NCOR2: variants seen among roughly 807,000 people sequenced by gnomAD.
The protein encoded by NCOR2 is nuclear receptor corepressor 2.
NCOR2 carries 81 observed loss-of-function variants against 262.9 expected under a neutral mutation model. That is an observed-to-expected ratio of 0.31 (90% CI 0.26 to 0.37). The LOEUF is 0.37. Among genes scored for constraint, NCOR2 ranks in the 10% least tolerant of loss-of-function variants. The pLI is 1.00. For synonymous variants in NCOR2, 1,659 were observed against 1,559.3 expected, an observed-to-expected ratio of 1.06 and a Z score of -1.51; for missense variants, 3,385 against 3,621.4, an observed-to-expected ratio of 0.93 and a Z score of 1.68.
intron 1 of NCOR2, among the ~76,000 whole-genome samples, chr12:124,524,505 G>A (rs567901638): frequency 6.6e-6 from 1 of 152,292 alleles, no homozygotes; most frequent in South Asian, 2.1e-4. Context: ...CTGGTGGCAT[G>A]AGCCTGTCTG....
At chr12:124,479,520 C>T (rs536209469) in intron 3 of NCOR2, among the ~76,000 whole-genome samples, 76 of 151,486 alleles carry the variant, frequency 5.0e-4, no homozygotes, top group African/African-American at 1.8e-3. Flanking sequence ...CGCACATGCG[C>T]GCACACGCAC....
intron 7 of NCOR2, among the ~76,000 whole-genome samples, chr12:124,441,370 A>G (rs535119975): frequency 5.3e-4 from 81 of 152,370 alleles, no homozygotes; most frequent in Middle Eastern, 3.4e-3. Context: ...GGACTAGATT[A>G]GCGTCCCAGG....
Position 124,344,577 on chromosome 12 carries a change from C to T in NCOR2, c.4714+20G>A. The T allele has an allele frequency of 6.9e-7, 1 of 1,440,426 alleles. No homozygotes were observed. Among genetic ancestry groups the T allele is most frequent in the Non-Finnish European group, 9.2e-7 (1 of 1,092,782 alleles). The allele number at this position is 1,440,426 out of a possible 1,614,324, so 89.2% of individuals were successfully genotyped here. On this transcript the variant is annotated intron_variant, in intron 32 of 46. Transcript: ENST00000405201. ...CAGACAGGCGCCCACCCCACTCACG[C>T]CCATGCACACCCCACTCACCCTCCT...
intron 5 of NCOR2, among the ~76,000 whole-genome samples, chr12:124,461,231 C>G (rs1017372163): frequency 1.3e-5 from 2 of 152,236 alleles, no homozygotes; most frequent in Non-Finnish European, 2.9e-5. Flanking sequence ...CTGCTCTGAT[C>G]GTGGTGGGTG....
At chr12:124,337,043 A>C (rs112531520) in exon 38 of NCOR2, 4 of 1,496,794 alleles carry the variant, frequency 2.7e-6, no homozygotes, top group Non-Finnish European at 3.6e-6. Flanking sequence ...TGGCCGGGCG[A>C]CCCGGGGGGC....
At chr12:124,469,659 C>T (rs1048528891) in intron 4 of NCOR2, among the ~76,000 whole-genome samples, 6 of 152,184 alleles carry the variant, frequency 3.9e-5, no homozygotes, top group African/African-American at 1.4e-4. Flanking sequence ...CCTTCACCTC[C>T]CTGACCTCAG....
chr12:124,356,566 T>A, intron 23 of NCOR2, 76 bp downstream of exon 25: 1 of 1,256,348 alleles, frequency 8.0e-7, no homozygotes, highest in African/African-American at 1.5e-5. Context: ...TGTGTGCAGC[T>A]CTGAGCCAGT....
intron 13 of NCOR2, among the ~76,000 whole-genome samples, chr12:124,405,585 A>C (rs1031069088): frequency 3.3e-5 from 5 of 152,212 alleles, no homozygotes; most frequent in Admixed American, 6.5e-5. Flanking sequence ...CCTGGCCTTA[A>C]AATATGCTTT....
intron 45 of NCOR2, among the ~76,000 whole-genome samples, chr12:124,326,705 T>G (rs1454284664): frequency 1.3e-5 from 2 of 152,108 alleles, no homozygotes; most frequent in African/African-American, 4.8e-5. Flanking sequence ...GCTTCCAGTT[T>G]GAGCGTGGCC....
intron 44 of NCOR2, chr12:124,328,580 C>T (rs150344768): frequency 0.011 from 1,703 of 153,114 alleles, 20 homozygotes; most frequent in Middle Eastern, 0.02. Context: ...TTGCACACCC[C>T]CCAGAGGTGC....
chr12:124,547,239 C>G (rs2051571547), intron 1 of NCOR2, among the ~76,000 whole-genome samples: 1 of 152,152 alleles, frequency 6.6e-6, no homozygotes, highest in African/African-American at 2.4e-5. Flanking sequence ...GAGATCCACC[C>G]ACCTTGGCTT....
chr12:124,455,312 G>T (rs542801257), intron 6 of NCOR2, among the ~76,000 whole-genome samples: 1 of 152,198 alleles, frequency 6.6e-6, no homozygotes, highest in Non-Finnish European at 1.5e-5. Context: ...AACTTCCCCA[G>T]ATATCACTTC....
chr12:124,379,058 C>T (rs2040225246), intron 17 of NCOR2, among the ~76,000 whole-genome samples: 1 of 22,662 alleles, frequency 4.4e-5, no homozygotes, highest in Admixed American at 5.7e-4. Context: ...CTGGACAGAA[C>T]AGTCTGGAAG....
intron 2 of NCOR2, among the ~76,000 whole-genome samples, chr12:124,484,820 T>C (rs1733195881): frequency 6.6e-6 from 1 of 152,166 alleles, no homozygotes; most frequent in South Asian, 2.1e-4. Flanking sequence ...CCCCCACCCA[T>C]GAATGAACGC....
chr12:124,355,515 G>A, exon 24 of NCOR2: 1 of 1,607,280 alleles, frequency 6.2e-7, no homozygotes, highest in Non-Finnish European at 8.5e-7. Flanking sequence ...GAGATGGTGG[G>A]TGGGCGCGGC....
chr12:124,348,403 G>T, intron 28 of NCOR2, 89 bp from the exon 31 acceptor site: 3 of 1,482,152 alleles, frequency 2.0e-6, no homozygotes, highest in Non-Finnish European at 2.7e-6. Flanking sequence ...CGGTAGGCAG[G>T]AGCCAGCAGT....
chr12:124,388,573 G>T (rs74977427), intron 16 of NCOR2: 1 of 1,129,122 alleles, frequency 8.9e-7, no homozygotes, highest in South Asian at 1.4e-5. Context: ...CACTCCAGGG[G>T]CCCAGAACTC....
Position 124,483,629 on chromosome 12 carries a change from C to G in NCOR2, c.378G>C (p.Thr126=). 1 of 1,609,148 alleles carries G rather than the reference C, an allele frequency of 6.2e-7. No individual in the cohort carries two copies. The change falls in exon 3 of 47, where the codon ACG becomes ACC. Residue 126 remains threonine (T), a synonymous_variant. Transcript: ENST00000405201. This position sits in a 1 kb window ranked among gnomAD's most constrained non-coding sequence, Gnocchi z 6.3. ...GGTCTTCAGATCCCGCAGGCTGGCC[C>G]GTGGCCAGCAGGGGTGACGGTCGCA...
rs568614952 is a variant in NCOR2 at position 124,392,965 on chromosome 12, C to T, written c.1876+5154G>A. 5.1e-4 allele frequency among the ~76,000 whole-genome samples: 78 copies of T among 152,334 alleles called. 4 individuals are homozygous for T. In the South Asian group the frequency reaches 0.016, roughly 30 times the overall value. ...TCTTGCACATCCTCCCACTGTTGGC[C>T]GCTCCCTGGAGATTGGGAAGGACTG... On this transcript the variant is annotated intron_variant, in intron 16 of 46. Transcript: ENST00000405201.
Sources: gnomAD v4.1 joint callset for allele counts (sites outside exome capture counted in the v4.1 genomes callset) on GRCh38, gnomAD v4.1.1 for gene constraint, Gnocchi (gnomAD v3.1) non-coding constraint, MANE v1.5 for transcripts, NCBI Gene and HGNC (gene_info 2026-07-23, HGNC 2026-07-21) for gene names.